OPCML: variants seen among roughly 807,000 people sequenced by gnomAD.
OPCML encodes the protein opioid binding protein/cell adhesion molecule like.
In OPCML, 13 loss-of-function variants were observed where a neutral mutation model predicts 37.8. The ratio of observed to expected loss-of-function variants is 0.34; its 90% CI spans 0.22 to 0.55. The LOEUF is 0.55. OPCML is among the 20% of genes least tolerant of loss of function. The probability of loss-of-function intolerance (pLI) is 0.91; values close to 1 mark genes in which losing one functional copy is unlikely to be tolerated. For missense variants in OPCML, 341 were observed against 435.6 expected, an observed-to-expected ratio of 0.78 and a Z score of 1.93; for synonymous variants, 176 against 168.8, an observed-to-expected ratio of 1.04 and a Z score of -0.33.
At position 133,208,323 on chromosome 11, in the gene OPCML, G is replaced by A. The variant is rs571767851; in HGVS notation, c.62-265313C>T. 2.6e-5 allele frequency among the ~76,000 whole-genome samples: 4 copies of A among 152,276 alleles called. No individual in the cohort carries two copies. The highest frequency in any genetic ancestry group is 4.1e-4 in the South Asian group (2 of 4,822). On this transcript the variant is annotated intron_variant, in intron 1 of 7. Transcript: ENST00000524381. This position sits in a 1 kb window ranked among gnomAD's most constrained non-coding sequence, Gnocchi z 8.9. ...ATGCGGGACAGAAGCCTACACTACC[G>A]TGTGTTCTACTACATTCAGTATCAT...
chr11:132,695,975 G>A (rs1591742545), intron 2 of OPCML, among the ~76,000 whole-genome samples: 1 of 152,114 alleles, frequency 6.6e-6, no homozygotes, highest in Non-Finnish European at 1.5e-5. Flanking sequence ...CAACAACAGA[G>A]GATGAAATGG....
intron 2 of OPCML, among the ~76,000 whole-genome samples, chr11:132,738,003 A>C (rs1323267636): frequency 6.6e-6 from 1 of 152,136 alleles, no homozygotes; most frequent in Non-Finnish European, 1.5e-5. Flanking sequence ...TCCCTCATCT[A>C]ACTGCTCAAT....
intron 2 of OPCML, among the ~76,000 whole-genome samples, chr11:132,934,396 C>T (rs976226772): frequency 1.3e-5 from 2 of 152,108 alleles, no homozygotes; most frequent in South Asian, 2.1e-4. Context: ...GTTCAGAACA[C>T]GCTGGAACCT....
intron 2 of OPCML, among the ~76,000 whole-genome samples, chr11:132,701,590 T>C (rs1185105593): frequency 2.6e-5 from 4 of 152,192 alleles, no homozygotes; most frequent in Admixed American, 2.6e-4. Flanking sequence ...GTTTTTTGTG[T>C]TTATGCTCTC....
chr11:133,093,833 G>T (rs151027096), intron 1 of OPCML, among the ~76,000 whole-genome samples: 1 of 151,992 alleles, frequency 6.6e-6, no homozygotes, highest in Non-Finnish European at 1.5e-5. Context: ...AAGGCAGCAC[G>T]ATGCAAATGT....
intron 1 of OPCML, among the ~76,000 whole-genome samples, chr11:133,459,055 T>A (rs879180642): frequency 1.3e-5 from 2 of 151,974 alleles, no homozygotes; most frequent in South Asian, 2.1e-4. Flanking sequence ...TGTATAAAGA[T>A]GTAATTTGTG....
intron 1 of OPCML, among the ~76,000 whole-genome samples, chr11:133,022,100 G>A (rs1309185048): frequency 6.6e-6 from 1 of 152,234 alleles, no homozygotes; most frequent in African/African-American, 2.4e-5. Flanking sequence ...TAGGGCCTGA[G>A]GAACTCACCA....
intron 1 of OPCML, among the ~76,000 whole-genome samples, chr11:132,961,298 A>G (rs1946088250): frequency 6.6e-6 from 1 of 152,178 alleles, no homozygotes; most frequent in Admixed American, 6.5e-5. Flanking sequence ...TAAGATTTCT[A>G]CGTCTTAAAT....
At chr11:132,845,712 AG>A (rs1941497956) in intron 2 of OPCML, among the ~76,000 whole-genome samples, 1 of 152,198 alleles carries the variant, frequency 6.6e-6, no homozygotes. Context: ...GCTCTTCCAT[AG>A]AGATTCCCGT....
Position 133,174,030 on chromosome 11 carries a change from T to C in OPCML, c.62-231020A>G, listed in dbSNP as rs543494458. 8.3e-4 allele frequency among the ~76,000 whole-genome samples: 126 copies of C among 152,350 alleles called. 2 individuals carry two copies. The highest frequency in any genetic ancestry group is 8.2e-3 in the Admixed American group (125 of 15,312). On this transcript the variant is annotated intron_variant, in intron 1 of 7. Coordinates refer to ENST00000524381, the MANE Select transcript of OPCML (RefSeq NM_001012393.5). The surrounding 1 kb of genome is among the most constrained non-coding windows in gnomAD (Gnocchi z 4.6). ...AACGGATGAGCATGGAGAAACGGCC[T>C]GGCAGGCCCTGCACTGCGGCCATAA...
intron 3 of OPCML, among the ~76,000 whole-genome samples, chr11:132,615,383 C>T (rs1591627993): frequency 6.6e-6 from 1 of 152,252 alleles, no homozygotes; most frequent in South Asian, 2.1e-4. Flanking sequence ...TCATCCACGG[C>T]ATAGGATTAA....
intron 1 of OPCML, among the ~76,000 whole-genome samples, chr11:133,046,430 C>T (rs1483239818): frequency 6.6e-6 from 1 of 152,118 alleles, no homozygotes; most frequent in Admixed American, 6.5e-5. Context: ...AGACCTCTGC[C>T]CTCTCCATTC....
At chr11:133,233,090 A>G (rs574554440) in intron 1 of OPCML, among the ~76,000 whole-genome samples, 1 of 152,320 alleles carries the variant, frequency 6.6e-6, no homozygotes, top group South Asian at 2.1e-4. Context: ...TGCAAATGCT[A>G]TCCTGGACAT....
intron 1 of OPCML, among the ~76,000 whole-genome samples, chr11:133,161,779 A>G (rs2137218703): frequency 6.6e-6 from 1 of 152,312 alleles, no homozygotes; most frequent in Admixed American, 6.5e-5. Flanking sequence ...ACACAATTCT[A>G]CGCATATCTT....
chr11:133,289,737 G>A (rs1431994870), intron 1 of OPCML, among the ~76,000 whole-genome samples: 1 of 152,106 alleles, frequency 6.6e-6, no homozygotes, highest in Non-Finnish European at 1.5e-5. Context: ...TGAACTGAGC[G>A]CACTGAGGTT....
intron 1 of OPCML, among the ~76,000 whole-genome samples, chr11:133,306,600 T>G (rs1222441103): frequency 6.6e-6 from 1 of 151,954 alleles, no homozygotes; most frequent in Non-Finnish European, 1.5e-5. Flanking sequence ...GTGATAACAA[T>G]GACAAGACTG....
At position 133,471,999 on chromosome 11, in the gene OPCML, C is replaced by G. The variant is rs76298954; in HGVS notation, c.61+60265G>C. ...CGTCTGACCATGAGAGCTGATCTTT[C>G]TATTGCACTTTGTGCTTTGACAGAC... On this transcript the variant is annotated intron_variant, in intron 1 of 7. Coordinates refer to ENST00000524381, the MANE Select transcript of OPCML (RefSeq NM_001012393.5). 1.9e-3 allele frequency among the ~76,000 whole-genome samples: 288 copies of G among 152,296 alleles called. 5 individuals carry two copies. The East Asian group carries it at 0.042, about 22-fold the overall frequency.
intron 2 of OPCML, among the ~76,000 whole-genome samples, chr11:132,898,505 C>G (rs1408169891): frequency 6.6e-6 from 1 of 152,202 alleles, no homozygotes; most frequent in Non-Finnish European, 1.5e-5. Context: ...AAGCAACAAG[C>G]TTGACAGAAC....
intron 1 of OPCML, among the ~76,000 whole-genome samples, chr11:133,341,948 T>C (rs1224712028): frequency 6.6e-6 from 1 of 152,030 alleles, no homozygotes; most frequent in Non-Finnish European, 1.5e-5. Context: ...GCAGCATTAC[T>C]CCTGTGAATC....
Sources: gnomAD v4.1 joint callset for allele counts (sites outside exome capture counted in the v4.1 genomes callset) on GRCh38, gnomAD v4.1.1 for gene constraint, Gnocchi (gnomAD v3.1) non-coding constraint, MANE v1.5 for transcripts, NCBI Gene and HGNC (gene_info 2026-07-23, HGNC 2026-07-21) for gene names.